ZNF670: variants seen among roughly 807,000 people sequenced by gnomAD.
The protein encoded by ZNF670 is zinc finger protein 670.
Under a neutral mutation model 10.9 loss-of-function variants are expected in ZNF670, and 7 were observed. The observed-to-expected ratio is 0.64, with a 90% CI of 0.36 to 1.20. The LOEUF (loss-of-function observed/expected upper bound fraction) is 1.20. Ranked by LOEUF, ZNF670 falls within the 50% of genes most tolerant of loss-of-function variation. The pLI is 0.02. For synonymous variants in ZNF670, 136 were observed against 152.7 expected (o/e 0.89, Z 0.81); for missense variants, 446 against 458.6 (o/e 0.97, Z 0.25).
chr1:247,055,767 C>T (rs186874527), intron 1 of ZNF670, among the ~76,000 whole-genome samples: 5 of 152,186 alleles, frequency 3.3e-5, no homozygotes, highest in African/African-American at 1.2e-4. Flanking sequence ...GACTGGCTGC[C>T]TAACATACTT....
intron 1 of ZNF670, among the ~76,000 whole-genome samples, chr1:247,051,442 C>A (rs1670592974): frequency 1.3e-5 from 2 of 152,146 alleles, no homozygotes; most frequent in South Asian, 4.1e-4. Context: ...AATGATAGAA[C>A]CCCAATCTCT....
intron 1 of ZNF670, among the ~76,000 whole-genome samples, chr1:247,050,901 A>G (rs1279125935): frequency 6.6e-6 from 1 of 151,730 alleles, no homozygotes; most frequent in African/African-American, 2.4e-5. Context: ...CTGCCTGAAT[A>G]CCTTGGTTTT....
chr1:247,064,918 C>T (rs1670947274), intron 1 of ZNF670, among the ~76,000 whole-genome samples: 1 of 151,474 alleles, frequency 6.6e-6, no homozygotes. Context: ...GATCCTCCTG[C>T]CTCCCTCAGC....
At chr1:247,067,261 C>A (rs906446102) in intron 1 of ZNF670, among the ~76,000 whole-genome samples, 1 of 151,516 alleles carries the variant, frequency 6.6e-6, no homozygotes, top group South Asian at 2.1e-4. Flanking sequence ...CATGGTGAAA[C>A]CCCATCTCTA....
intron 1 of ZNF670, among the ~76,000 whole-genome samples, chr1:247,051,216 G>A (rs1039734125): frequency 1.3e-5 from 2 of 151,330 alleles, no homozygotes; most frequent in South Asian, 4.2e-4. Flanking sequence ...GCTAAGGCAG[G>A]AGACTCCAGC....
chr1:247,038,365 C>T lies in ZNF670; in HGVS notation c.254G>A (p.Ser85Asn), dbSNP rs189405423. The change falls in exon 4 of 4, where the codon AGC (serine) becomes AAC (asparagine). Residue 85 changes from serine (S) to asparagine (N), a missense_variant. Coordinates refer to ENST00000366503, the MANE Select transcript of ZNF670 (RefSeq NM_033213.5). ...ATTCAGATTCAAATTTGAATCCTGG[C>T]TGAAGGTTTCTCCATATTGACTGCC... ...KEGSQYGETF[S>N]QDSNLNLNKK... 1 of 1,613,962 alleles carries T rather than the reference C, an allele frequency of 6.2e-7. No individual in the cohort carries two copies. Among genetic ancestry groups the T allele is most frequent in the Non-Finnish European group, 8.5e-7 (1 of 1,179,968 alleles).
chr1:247,044,269 A>C (rs985852704), intron 1 of ZNF670, among the ~76,000 whole-genome samples: 2 of 152,170 alleles, frequency 1.3e-5, no homozygotes, highest in Non-Finnish European at 2.9e-5. Context: ...ACCCCAAAAA[A>C]CAAAGGCAAC....
chr1:247,044,211 A>C (rs1429007666), intron 1 of ZNF670, among the ~76,000 whole-genome samples: 1 of 152,192 alleles, frequency 6.6e-6, no homozygotes, highest in South Asian at 2.1e-4. Context: ...GGAGACTGTC[A>C]AGGTTCACGG....
chr1:247,059,821 T>C (rs1035178065), intron 1 of ZNF670, among the ~76,000 whole-genome samples: 8 of 152,182 alleles, frequency 5.3e-5, no homozygotes, highest in Non-Finnish European at 1.2e-4. Flanking sequence ...AGTGGTACAA[T>C]GTAAGGTTAA....
intron 1 of ZNF670, among the ~76,000 whole-genome samples, chr1:247,062,667 G>T (rs953380746): frequency 6.6e-6 from 1 of 152,212 alleles, no homozygotes; most frequent in Non-Finnish European, 1.5e-5. Flanking sequence ...TGTGCCCCCT[G>T]TGTGTCCAAA....
In ZNF670 at chr1:247,042,948, T is replaced by C. The variant is rs191646751; in HGVS notation, c.4-3411A>G. ...TTTTCATTCACATTGAAAGATGACA[T>C]TACATTCGATACCAATCCTTCAACA... is the stretch of plus-strand genomic sequence containing the variant. On this transcript the variant is annotated intron_variant, in intron 1 of 3. Transcript: ENST00000366503. 3.9e-4 allele frequency: 270 copies of C among 695,582 alleles called. No individual in the cohort carries two copies. The African/African-American group carries it at 4.1e-3, about 11-fold the overall frequency. 43.1% of individuals were successfully genotyped at this position (695,582 alleles called of 1,614,324 possible).
At chr1:247,043,207 G>A (rs577505884) in intron 1 of ZNF670, 53 of 711,368 alleles carry the variant, frequency 7.5e-5, no homozygotes, top group South Asian at 4.7e-4. Context: ...AGGGCCATAC[G>A]CATCACTAAC....
chr1:247,046,450 T>C (rs1311035774), intron 1 of ZNF670, among the ~76,000 whole-genome samples: 1 of 152,206 alleles, frequency 6.6e-6, no homozygotes, highest in Non-Finnish European at 1.5e-5. Flanking sequence ...AGGCACCATA[T>C]ACCACTTGGG....
Position 247,039,553 on chromosome 1 carries a change from T to C in ZNF670, c.4-16A>G, listed in dbSNP as rs528264635. ...ACACTGAATCCTAGAATATCGCACA[T>C]ATGTGGAGAGGAGGATGGCTTAGAC... On this transcript the variant is annotated splice_polypyrimidine_tract_variant and intron_variant, in intron 1 of 3. Transcript: ENST00000366503. 6.4e-7 allele frequency: 1 copy of C among 1,561,218 alleles called. No homozygotes were observed. Among genetic ancestry groups the C allele is most frequent in the East Asian group, 2.4e-5 (1 of 41,960 alleles).
intron 1 of ZNF670, among the ~76,000 whole-genome samples, chr1:247,040,153 G>A (rs1670270615): frequency 6.6e-6 from 1 of 152,144 alleles, no homozygotes; most frequent in African/African-American, 2.4e-5. Flanking sequence ...AGTCTCTAAT[G>A]AGCATTCTTG....
intron 3 of ZNF670, 45 bp from the exon 4 acceptor site, chr1:247,038,472 T>C: frequency 6.5e-7 from 1 of 1,540,672 alleles, no homozygotes; most frequent in Non-Finnish European, 8.7e-7. Flanking sequence ...TATTCATGGT[T>C]TACATTGCTA....
chr1:247,078,743 C>T lies in ZNF670; in HGVS notation c.-147G>A, dbSNP rs2103077199. ...AGACGCACCGAGCTCGCCACATTCG[C>T]GCTGCCCAACACAAAAGCCGCGCCA... is the stretch of plus-strand genomic sequence containing the variant. On this transcript the variant is annotated 5_prime_UTR_variant, in exon 1 of 4. Coordinates refer to ENST00000366503, the MANE Select transcript of ZNF670 (RefSeq NM_033213.5). The T allele has an allele frequency of 4.8e-6, 4 of 839,260 alleles. No individual in the cohort carries two copies. The highest frequency in any genetic ancestry group is 2.8e-5 in the East Asian group (1 of 36,280). 52.0% of individuals were successfully genotyped at this position (839,260 alleles called of 1,614,324 possible). A position where few individuals can be genotyped will look rare whatever the true frequency, so the allele number is the denominator to read the frequency against.
chr1:247,037,444 G>T lies in ZNF670; in HGVS notation c.*5C>A, dbSNP rs1670184275. ...TTGACAGAGGTGTTTTGTTGTTGTT[G>T]TTTTTTACCACATATAAGCTCTTTC... is the stretch of plus-strand genomic sequence containing the variant. On this transcript the variant is annotated 3_prime_UTR_variant, in exon 4 of 4. Transcript: ENST00000366503. The T allele has an allele frequency of 1.9e-6, 3 of 1,584,070 alleles. No homozygotes were observed. Among genetic ancestry groups the T allele is most frequent in the Non-Finnish European group, 2.6e-6 (3 of 1,167,802 alleles).
chr1:247,054,960 G>C (rs992851424), intron 1 of ZNF670, among the ~76,000 whole-genome samples: 15 of 152,196 alleles, frequency 9.9e-5, no homozygotes, highest in African/African-American at 3.4e-4. Flanking sequence ...TAGTTGGGCA[G>C]ACAGCTAAAA....
Sources: gnomAD v4.1 joint callset for allele counts (sites outside exome capture counted in the v4.1 genomes callset) on GRCh38, gnomAD v4.1.1 for gene constraint, MANE v1.5 for transcripts, NCBI Gene and HGNC (gene_info 2026-07-23, HGNC 2026-07-21) for gene names.